Variants in IKZF2 observed in about 807,000 individuals in gnomAD.
The protein encoded by IKZF2 is IKAROS family zinc finger 2, also known as zinc finger protein Helios.
A neutral mutation model predicts 49.2 loss-of-function variants in IKZF2; 15 were observed. That is an observed-to-expected ratio of 0.30 (90% confidence interval 0.20 to 0.47). IKZF2 has a LOEUF of 0.47. Among genes scored for constraint, IKZF2 ranks in the 20% least tolerant of loss-of-function variants. The pLI is 1.00. For missense variants in IKZF2, 567 were observed against 664.6 expected (o/e 0.85, Z 1.61); for synonymous variants, 227 against 221.4 (o/e 1.03, Z -0.23).
intron 4 of IKZF2, among the ~76,000 whole-genome samples, chr2:213,122,386 A>T (rs2060088527): frequency 6.6e-6 from 1 of 152,260 alleles, no homozygotes; most frequent in African/African-American, 2.4e-5. Context: ...TATCAGAATT[A>T]GAGTCGCAGG....
intron 4 of IKZF2, among the ~76,000 whole-genome samples, chr2:213,085,433 C>A (rs1284269816): frequency 2.6e-5 from 4 of 152,236 alleles, no homozygotes; most frequent in East Asian, 3.9e-4. Context: ...CAATATGATT[C>A]ATTTAAACAT....
intron 4 of IKZF2, among the ~76,000 whole-genome samples, chr2:213,087,352 G>A (rs182778120): frequency 5.3e-5 from 8 of 152,168 alleles, no homozygotes; most frequent in East Asian, 1.9e-4. Context: ...TCACACGTAC[G>A]CATAAAATTC....
At chr2:213,085,814 A>G (rs1704513967) in intron 4 of IKZF2, among the ~76,000 whole-genome samples, 1 of 152,214 alleles carries the variant, frequency 6.6e-6, no homozygotes, top group African/African-American at 2.4e-5. Flanking sequence ...ACAGAAGAGC[A>G]GGTCTCCTTT....
chr2:213,125,377 T>C (rs1352151727), intron 4 of IKZF2, among the ~76,000 whole-genome samples: 1 of 152,150 alleles, frequency 6.6e-6, no homozygotes, highest in African/African-American at 2.4e-5. Flanking sequence ...AAAAATTAAA[T>C]ACAGAATTTC....
intron 4 of IKZF2, among the ~76,000 whole-genome samples, chr2:213,135,404 T>C (rs2060620458): frequency 6.6e-6 from 1 of 152,136 alleles, no homozygotes; most frequent in Non-Finnish European, 1.5e-5. Flanking sequence ...GTAAACAACC[T>C]AGCCAAGTGT....
intron 6 of IKZF2, among the ~76,000 whole-genome samples, chr2:213,029,648 G>GT (rs1363768109): frequency 1.6e-4 from 25 of 151,990 alleles, no homozygotes; most frequent in Non-Finnish European, 1.5e-4. Flanking sequence ...CCATTAGTAA[G>GT]TAACTGTGGC....
intron 4 of IKZF2, among the ~76,000 whole-genome samples, chr2:213,118,916 C>T (rs2059961464): frequency 6.6e-6 from 1 of 152,168 alleles, no homozygotes; most frequent in Non-Finnish European, 1.5e-5. Context: ...GGCTTGGGAA[C>T]CAATTTCTAG....
rs1231594391 is a variant in IKZF2 at position 213,022,139 on chromosome 2, A to T, written c.575-9T>A. Reference sequence around the variant, plus strand: ...CTTGTGAGGTTTACCCACTGTGAAGAGAACTCAAGGTCAGTGTGCTGTTAG... The same window carrying T: ...CTTGTGAGGTTTACCCACTGTGAAGTGAACTCAAGGTCAGTGTGCTGTTAG... On this transcript the variant is annotated splice_polypyrimidine_tract_variant and intron_variant, in intron 6 of 8. Coordinates refer to ENST00000434687, the MANE Select transcript of IKZF2 (RefSeq NM_001387220.1). 7 of 1,598,356 alleles carry T rather than the reference A, an allele frequency of 4.4e-6. No individual in the cohort carries two copies. The highest frequency in any genetic ancestry group is 6.0e-6 in the Non-Finnish European group (7 of 1,172,722).
chr2:213,085,179 G>A (rs561387464), intron 4 of IKZF2, among the ~76,000 whole-genome samples: 86 of 152,288 alleles, frequency 5.6e-4, no homozygotes, highest in African/African-American at 1.9e-3. Context: ...AGAAACAGAT[G>A]ATGTTAAAAG....
chr2:213,044,038 G>A (rs10201356), intron 6 of IKZF2, among the ~76,000 whole-genome samples: 2 of 152,252 alleles, frequency 1.3e-5, no homozygotes, highest in African/African-American at 2.4e-5. Context: ...AATTGGCTCC[G>A]TTGTCCTCTG....
chr2:213,098,823 C>T (rs77379855), intron 4 of IKZF2, among the ~76,000 whole-genome samples: 3,357 of 152,218 alleles, frequency 0.022, 124 homozygotes, highest in African/African-American at 0.075. Context: ...AAGGTGCTGA[C>T]GTGACCTCAG....
At chr2:213,048,009 G>A (rs1410890381) in intron 6 of IKZF2, among the ~76,000 whole-genome samples, 1 of 152,038 alleles carries the variant, frequency 6.6e-6, no homozygotes, top group African/African-American at 2.4e-5. Context: ...AGCAAAAACT[G>A]TAGCAACTCT....
chr2:213,050,634 T>C (rs1049469620), intron 5 of IKZF2, among the ~76,000 whole-genome samples: 1 of 152,146 alleles, frequency 6.6e-6, no homozygotes, highest in African/African-American at 2.4e-5. Flanking sequence ...ACATGTTTTT[T>C]GTGAAACTTA....
At position 213,004,819 on chromosome 2, in the gene IKZF2, G is replaced by C; in HGVS notation, c.*2541C>G. The C allele has an allele frequency of 6.6e-6, 1 of 152,286 alleles. No homozygotes were observed. Among genetic ancestry groups the C allele is most frequent in the Admixed American group, 6.6e-5 (1 of 15,190 alleles). 9.4% of individuals were successfully genotyped at this position (152,286 alleles called of 1,614,324 possible). On this transcript the variant is annotated 3_prime_UTR_variant, in exon 9 of 9. Transcript: ENST00000434687. ...TCCTCATGAAGCTAGGAAGATACAA[G>C]TATATGCTTGTAGCAAATGCACTCT...
chr2:213,089,804 A>G (rs1407594765), intron 4 of IKZF2, among the ~76,000 whole-genome samples: 1 of 152,184 alleles, frequency 6.6e-6, no homozygotes, highest in Admixed American at 6.5e-5. Context: ...AGAGCCTAGC[A>G]TCTGTTCTTC....
Position 213,007,685 on chromosome 2 carries a change from G to A in IKZF2, c.1256C>T (p.Ser419Phe), listed in dbSNP as rs781624972. The A allele has an allele frequency of 3.1e-6, 5 of 1,613,726 alleles. No homozygotes were observed. Among genetic ancestry groups the A allele is most frequent in the East Asian group, 4.5e-5 (2 of 44,840 alleles). ...ATTTAAGGCAGGGTGTCCTTGGTAG[G>A]ACTGGTGGTCATCATGGCTGCTTTC... ...DSESSHDDHQ[S>F]YQGHPALNPK... The change falls in exon 9 of 9, where the codon TCC becomes TTC. Residue 419 changes from serine (S) to phenylalanine (F), a missense_variant. This residue lies in a region of IKZF2 where 310 missense variants were observed against 326.9 expected (regional missense o/e 0.95). Coordinates refer to ENST00000434687, the MANE Select transcript of IKZF2 (RefSeq NM_001387220.1).
intron 4 of IKZF2, among the ~76,000 whole-genome samples, chr2:213,118,522 ACTAACT>A (rs953196173): frequency 4.6e-5 from 7 of 152,366 alleles, no homozygotes; most frequent in East Asian, 3.9e-4. Flanking sequence ...AGTAAAAAAC[ACTAACT>A]CTAACAAACT....
At chr2:213,096,139 CA>C (rs1705962473) in intron 4 of IKZF2, among the ~76,000 whole-genome samples, 2 of 151,824 alleles carry the variant, frequency 1.3e-5, no homozygotes, top group Admixed American at 1.3e-4. Context: ...GTTACTTGAT[CA>C]AGAGAGCATC....
chr2:213,028,683 T>C (rs1698076647), intron 6 of IKZF2, among the ~76,000 whole-genome samples: 2 of 152,256 alleles, frequency 1.3e-5, no homozygotes, highest in Admixed American at 6.5e-5. Flanking sequence ...TCCTAGCATA[T>C]AGAAATACAT....
Sources: gnomAD v4.1 joint callset for allele counts (sites outside exome capture counted in the v4.1 genomes callset) on GRCh38, gnomAD v4.1.1 for gene constraint, gnomAD v4.1.1 regional missense constraint, MANE v1.5 for transcripts, NCBI Gene and HGNC (gene_info 2026-07-23, HGNC 2026-07-21) for gene names.